The following KCNK13 variants were observed in gnomAD, a reference collection of about 807,000 sequenced individuals.
KCNK13 encodes potassium two pore domain channel subfamily K member 13, also known as potassium channel subfamily K member 13.
In KCNK13, 12 loss-of-function variants were observed where a neutral mutation model predicts 23.4. That is an observed-to-expected ratio of 0.51 (90% confidence interval 0.33 to 0.83). The LOEUF (loss-of-function observed/expected upper bound fraction) is 0.83, where lower values mean the gene tolerates loss of function less well. Ranked by LOEUF, KCNK13 falls within the 40% of genes least tolerant of loss-of-function variation. The pLI, the probability that KCNK13 is intolerant of heterozygous loss-of-function variation, is 0.02. For missense variants in KCNK13, 463 were observed against 556.3 expected (o/e 0.83, Z 1.69); for synonymous variants, 231 against 229.5 (o/e 1.01, Z -0.06).
intron 1 of KCNK13, among the ~76,000 whole-genome samples, chr14:90,104,985 T>C (rs1479605916): frequency 6.6e-6 from 1 of 151,760 alleles, no homozygotes. Context: ...AGATGGGGTT[T>C]CACCATGTTG....
intron 1 of KCNK13, among the ~76,000 whole-genome samples, chr14:90,066,935 A>C (rs1332414254): frequency 6.6e-6 from 1 of 152,192 alleles, no homozygotes; most frequent in Non-Finnish European, 1.5e-5. Flanking sequence ...AATTAACCAA[A>C]TGTGGGCTAC....
rs551266131 is a variant in KCNK13, at chr14:90,145,967, C to T, written c.335-38144C>T. On this transcript the variant is annotated intron_variant, in intron 1 of 1. Coordinates refer to ENST00000282146, the MANE Select transcript of KCNK13 (RefSeq NM_022054.4). ...CCAAGGCTGCAGTGAGCCATGATCACGCCTGGGTAACAGAAAAAGACCCTG... is the reference window on the plus strand; with the variant it reads ...CCAAGGCTGCAGTGAGCCATGATCATGCCTGGGTAACAGAAAAAGACCCTG... Among the ~76,000 whole-genome samples the T allele has an allele frequency of 1.2e-3, 164 of 142,136 alleles. 1 individual carries two copies. The highest frequency in any genetic ancestry group is 1.9e-3 in the Non-Finnish European group (121 of 63,924). The allele number at this position is 142,136 out of a possible 152,430, so 93.2% of individuals were successfully genotyped here. A position where few individuals can be genotyped will look rare whatever the true frequency, so the allele number is the denominator to read the frequency against.
intron 1 of KCNK13, among the ~76,000 whole-genome samples, chr14:90,069,951 T>C (rs1362038202): frequency 1.3e-5 from 2 of 152,162 alleles, no homozygotes; most frequent in Admixed American, 6.5e-5. Context: ...AGTGACAAAA[T>C]ATATATTAAT....
At chr14:90,077,364 G>C (rs376889591) in intron 1 of KCNK13, among the ~76,000 whole-genome samples, 2 of 151,852 alleles carry the variant, frequency 1.3e-5, no homozygotes, top group African/African-American at 2.4e-5. Context: ...CAGGTGATCC[G>C]CCCGCCTCGG....
rs139789875 is a variant in KCNK13, at chr14:90,102,989, C to T, written c.334+40450C>T. Among the ~76,000 whole-genome samples the T allele has an allele frequency of 1.2e-3, 184 of 152,230 alleles. 1 individual carries two copies. The highest frequency in any genetic ancestry group is 5.4e-3 in the South Asian group (26 of 4,816). On this transcript the variant is annotated intron_variant, in intron 1 of 1. Transcript: ENST00000282146. ...TTATTCCCATGTTTATGTCTGTGGA[C>T]GCTCAATGTTTAGCTCCCACTTATA...
chr14:90,068,920 G>A (rs1238875165), intron 1 of KCNK13, among the ~76,000 whole-genome samples: 1 of 152,078 alleles, frequency 6.6e-6, no homozygotes, highest in African/African-American at 2.4e-5. Flanking sequence ...GCAGGGATGT[G>A]CCGGGCTCAG....
intron 1 of KCNK13, among the ~76,000 whole-genome samples, chr14:90,176,748 T>C (rs983976949): frequency 1.3e-5 from 2 of 152,036 alleles, no homozygotes; most frequent in South Asian, 4.2e-4. Context: ...GAGGCCTGGC[T>C]CAGTGGCTCA....
intron 1 of KCNK13, among the ~76,000 whole-genome samples, chr14:90,089,652 A>C (rs1311697591): frequency 6.6e-6 from 1 of 152,232 alleles, no homozygotes; most frequent in Non-Finnish European, 1.5e-5. Flanking sequence ...TCTCCAGGGC[A>C]TGTCAGAGGT....
In KCNK13 at chr14:90,077,142, G is replaced by A. The variant is rs1264537947; in HGVS notation, c.334+14603G>A. Among the ~76,000 whole-genome samples the A allele has an allele frequency of 7.8e-5, 7 of 89,842 alleles. No individual in the cohort carries two copies. The East Asian group carries it at 2.0e-3, about 25-fold the overall frequency. The allele number at this position is 89,842 out of a possible 152,430, so 58.9% of individuals were successfully genotyped here. A position where few individuals can be genotyped will look rare whatever the true frequency, so the allele number is the denominator to read the frequency against. On this transcript the variant is annotated intron_variant, in intron 1 of 1. Transcript: ENST00000282146. ...CTTTTTTTTTTTTTTTTTTTTAGAC[G>A]AAGTTTCTCTCTCATTGCCCAGGCT...
At chr14:90,104,885 G>A (rs1826834172) in intron 1 of KCNK13, among the ~76,000 whole-genome samples, 1 of 150,812 alleles carries the variant, frequency 6.6e-6, no homozygotes, top group South Asian at 2.1e-4. Flanking sequence ...TACCTCCCAG[G>A]TTCAAGCAAT....
Position 90,097,529 on chromosome 14 carries a change from C to A in KCNK13, c.334+34990C>A, listed in dbSNP as rs148059828. ...TCTAGGCCCCACCTTCCACCACCAC[C>A]ACATTGGGGATCAAATTTCAGCATG... On this transcript the variant is annotated intron_variant, in intron 1 of 1. Transcript: ENST00000282146. 3.4e-3 allele frequency among the ~76,000 whole-genome samples: 511 copies of A among 152,250 alleles called. 3 individuals carry two copies. The highest frequency in any genetic ancestry group is 0.011 in the African/African-American group (475 of 41,536).
chr14:90,062,332 C>A lies in KCNK13; in HGVS notation c.127C>A (p.Leu43Met). The A allele has an allele frequency of 6.4e-7, 1 of 1,555,424 alleles. No homozygotes were observed. Among genetic ancestry groups the A allele is most frequent in the South Asian group, 1.2e-5 (1 of 84,728 alleles). ...GGAAVFSALELAHERQAKQRW... is the reference protein window; with the variant it reads ...GGAAVFSALEMAHERQAKQRW... ...CGCCGCCGTCTTCTCCGCGCTGGAGCTGGCGCACGAGCGCCAGGCCAAGCA... is the reference window on the plus strand; with the variant it reads ...CGCCGCCGTCTTCTCCGCGCTGGAGATGGCGCACGAGCGCCAGGCCAAGCA... Residue 43 changes from leucine (L) to methionine (M), a missense_variant, in exon 1 of 2, where the codon CTG becomes ATG. Coordinates refer to ENST00000282146, the MANE Select transcript of KCNK13 (RefSeq NM_022054.4). This position sits in a 1 kb window ranked among gnomAD's most constrained non-coding sequence, Gnocchi z 4.5.
chr14:90,150,170 G>A (rs1890119531), intron 1 of KCNK13, among the ~76,000 whole-genome samples: 1 of 152,204 alleles, frequency 6.6e-6, no homozygotes, highest in African/African-American at 2.4e-5. Context: ...CCAAAGAAGG[G>A]AGTGGAAAAC....
intron 1 of KCNK13, among the ~76,000 whole-genome samples, chr14:90,109,941 CA>C (rs1566953223): frequency 1.3e-5 from 2 of 152,104 alleles, no homozygotes; most frequent in Non-Finnish European, 2.9e-5. Context: ...ATCCAAGACT[CA>C]AGTGATCCAT....
At chr14:90,106,670 TAGAA>T (rs1292513824) in intron 1 of KCNK13, among the ~76,000 whole-genome samples, 1 of 152,180 alleles carries the variant, frequency 6.6e-6, no homozygotes, top group Non-Finnish European at 1.5e-5. Context: ...ACATATATTT[TAGAA>T]AGACATTATA....
chr14:90,081,940 T>G (rs888983703), intron 1 of KCNK13, among the ~76,000 whole-genome samples: 1 of 152,156 alleles, frequency 6.6e-6, no homozygotes, highest in Admixed American at 6.5e-5. Context: ...CCTCTCATAT[T>G]TTGCCTGTTT....
In KCNK13 at chr14:90,062,454, G is replaced by A; in HGVS notation, c.249G>A (p.Arg83=). ...TCCGCCACTACGAGGAGGCCACTCG[G>A]GCCGGCATCCGCGTGGACAACGTCC... The part of the protein sequence containing the change: ...GFLRHYEEAT[R]AGIRVDNVRP... Residue 83 remains arginine, a synonymous_variant, in exon 1 of 2, where the codon CGG becomes CGA. Coordinates refer to ENST00000282146, the MANE Select transcript of KCNK13 (RefSeq NM_022054.4). This position sits in a 1 kb window ranked among gnomAD's most constrained non-coding sequence, Gnocchi z 4.5. 2 of 1,546,306 alleles carry A rather than the reference G, an allele frequency of 1.3e-6. No homozygotes were observed. The highest frequency in any genetic ancestry group is 1.7e-6 in the Non-Finnish European group (2 of 1,145,794).
At chr14:90,159,972 T>C (rs927013343) in intron 1 of KCNK13, among the ~76,000 whole-genome samples, 1 of 145,484 alleles carries the variant, frequency 6.9e-6, no homozygotes, top group African/African-American at 2.5e-5. Flanking sequence ...TGTGTGTGTG[T>C]GTGCACATGC....
intron 1 of KCNK13, among the ~76,000 whole-genome samples, chr14:90,070,669 C>T (rs1050842228): frequency 1.3e-5 from 2 of 152,200 alleles, no homozygotes; most frequent in South Asian, 2.1e-4. Context: ...ATCCAGATTC[C>T]GTAAGAATGC....
Sources: gnomAD v4.1 joint callset for allele counts (sites outside exome capture counted in the v4.1 genomes callset) on GRCh38, gnomAD v4.1.1 for gene constraint, Gnocchi (gnomAD v3.1) non-coding constraint, MANE v1.5 for transcripts, NCBI Gene and HGNC (gene_info 2026-07-23, HGNC 2026-07-21) for gene names.